PARD3B: variants seen among roughly 807,000 people sequenced by gnomAD.
PARD3B encodes the protein partitioning defective 3 homolog B.
Under a neutral mutation model 130.2 loss-of-function variants are expected in PARD3B, and 103 were observed. That is an observed-to-expected ratio of 0.79 (90% CI 0.67 to 0.93). The LOEUF (loss-of-function observed/expected upper bound fraction) is 0.93. Among genes scored for constraint, PARD3B ranks in the 40% least tolerant of loss-of-function variants. PARD3B has a pLI of 0.00. For synonymous variants in PARD3B, 583 were observed against 553.2 expected (o/e 1.05, Z -0.76); for missense variants, 1,609 against 1,499.2 (o/e 1.07, Z -1.21).
At chr2:205,299,489 GC>G (rs2041912760) in intron 16 of PARD3B, among the ~76,000 whole-genome samples, 1 of 93,620 alleles carries the variant, frequency 1.1e-5, no homozygotes, top group South Asian at 3.9e-4. Context: ...TGGTGGAAAA[GC>G]TTTGACTGTA....
chr2:204,881,255 A>G (rs2046033580), intron 2 of PARD3B, among the ~76,000 whole-genome samples: 1 of 152,112 alleles, frequency 6.6e-6, no homozygotes, highest in African/African-American at 2.4e-5. Flanking sequence ...ATGTGTGTGT[A>G]TCTATGTCTA....
intron 18 of PARD3B, among the ~76,000 whole-genome samples, chr2:205,303,546 C>T (rs369805330): frequency 2.0e-5 from 3 of 152,092 alleles, no homozygotes; most frequent in Non-Finnish European, 4.4e-5. Flanking sequence ...TCCTGATCTC[C>T]CACCCTCCAA....
chr2:205,139,424 G>A (rs1364602383), intron 10 of PARD3B, among the ~76,000 whole-genome samples: 3 of 152,102 alleles, frequency 2.0e-5, no homozygotes, highest in African/African-American at 7.2e-5. Flanking sequence ...AGAAAAATAT[G>A]ACTATGTCAA....
In PARD3B at chr2:205,183,731, TGTGTGTG is replaced by T. The variant is rs1374391761; in HGVS notation, c.1925-2032_1925-2026del. Among the ~76,000 whole-genome samples, 206 of 4,228 alleles carry T rather than the reference TGTGTGTG, an allele frequency of 0.049. No homozygotes were observed. The highest frequency in any genetic ancestry group is 0.086 in the Non-Finnish European group (167 of 1,948). 2.8% of individuals were successfully genotyped at this position (4,228 alleles called of 152,430 possible). ...GTTCTGCAGAGAAACAGAACCAAGT[TGTGTGTG>T]TGTGTGTGTGTGTGTGTGTGTGTGT... On this transcript the variant is annotated intron_variant, in intron 13 of 22. Transcript: ENST00000406610. This position sits in a 1 kb window ranked among gnomAD's most constrained non-coding sequence, Gnocchi z 5.2.
chr2:204,865,962 C>T (rs1435590686), intron 2 of PARD3B, among the ~76,000 whole-genome samples: 1 of 152,126 alleles, frequency 6.6e-6, no homozygotes, highest in African/African-American at 2.4e-5. Context: ...TACATGAAGA[C>T]CTTGCTTTCA....
At chr2:205,316,084 C>T (rs972364513) in intron 18 of PARD3B, among the ~76,000 whole-genome samples, 1 of 152,042 alleles carries the variant, frequency 6.6e-6, no homozygotes, top group Non-Finnish European at 1.5e-5. Context: ...ATATGGTGTG[C>T]TAATTGGAGT....
At chr2:204,873,482 C>A (rs147120518) in intron 2 of PARD3B, among the ~76,000 whole-genome samples, 2 of 152,086 alleles carry the variant, frequency 1.3e-5, no homozygotes, top group African/African-American at 4.8e-5. Flanking sequence ...CACCCATCCG[C>A]AGGACTTTCC....
intron 1 of PARD3B, among the ~76,000 whole-genome samples, chr2:204,685,633 C>G (rs2037038761): frequency 6.6e-6 from 1 of 152,206 alleles, no homozygotes; most frequent in African/African-American, 2.4e-5. Flanking sequence ...GAGGCTGGAG[C>G]TCCTGCTCTG....
intron 13 of PARD3B, among the ~76,000 whole-genome samples, chr2:205,179,509 G>A (rs997556723): frequency 6.6e-6 from 1 of 152,134 alleles, no homozygotes; most frequent in Non-Finnish European, 1.5e-5. Flanking sequence ...TTTCACTGTA[G>A]CTTTTCTGTT....
chr2:204,950,459 G>A (rs1245095565), intron 2 of PARD3B, among the ~76,000 whole-genome samples: 1 of 152,168 alleles, frequency 6.6e-6, no homozygotes, highest in Non-Finnish European at 1.5e-5. Flanking sequence ...AACCTTGAAG[G>A]ATTCTAAGAA....
At chr2:205,487,327 T>C (rs1257260171) in intron 20 of PARD3B, among the ~76,000 whole-genome samples, 1 of 152,176 alleles carries the variant, frequency 6.6e-6, no homozygotes, top group Non-Finnish European at 1.5e-5. Context: ...ATACCCTCCA[T>C]TGGGGAAGAA....
At chr2:204,595,010 T>G (rs1309862905) in intron 1 of PARD3B, among the ~76,000 whole-genome samples, 1 of 151,920 alleles carries the variant, frequency 6.6e-6, no homozygotes, top group Non-Finnish European at 1.5e-5. Flanking sequence ...GCATCATGGG[T>G]CTACTTTATA....
chr2:204,725,549 C>G (rs1237304996), intron 2 of PARD3B, among the ~76,000 whole-genome samples: 2 of 152,142 alleles, frequency 1.3e-5, no homozygotes, highest in African/African-American at 2.4e-5. Flanking sequence ...AGAAGAGCTT[C>G]TTTTCCATAA....
Position 205,202,736 on chromosome 2 carries a change from A to G in PARD3B, c.2140+9416A>G, listed in dbSNP as rs540530438. On this transcript the variant is annotated intron_variant, in intron 15 of 22. Coordinates refer to ENST00000406610, the MANE Select transcript of PARD3B (RefSeq NM_001302769.2). Reference sequence around the variant, plus strand: ...CATAAAAACACTTAACCTAATGCCTAGAACATCCCTAATGCCTAGGGATTT... The same window carrying G: ...CATAAAAACACTTAACCTAATGCCTGGAACATCCCTAATGCCTAGGGATTT... Among the ~76,000 whole-genome samples, 6 of 152,344 alleles carry G rather than the reference A, an allele frequency of 3.9e-5. 1 individual carries two copies. Among genetic ancestry groups the G allele is most frequent in the African/African-American group, 1.4e-4 (6 of 41,580 alleles).
At chr2:205,336,814 G>A (rs1356267854) in intron 18 of PARD3B, among the ~76,000 whole-genome samples, 1 of 152,122 alleles carries the variant, frequency 6.6e-6, no homozygotes, top group Non-Finnish European at 1.5e-5. Flanking sequence ...AAGAAAAATG[G>A]CCACTTTTAA....
intron 16 of PARD3B, among the ~76,000 whole-genome samples, chr2:205,279,533 C>A (rs187030124): frequency 2.6e-5 from 4 of 152,278 alleles, no homozygotes; most frequent in East Asian, 1.9e-4. Flanking sequence ...AAAGGGGAAG[C>A]TAAATGGATG....
At chr2:204,901,005 G>A (rs1370712376) in intron 2 of PARD3B, among the ~76,000 whole-genome samples, 1 of 143,290 alleles carries the variant, frequency 7.0e-6, no homozygotes, top group Non-Finnish European at 1.6e-5. Flanking sequence ...GCTTCCTGGA[G>A]CTGGGGGGAG....
chr2:204,742,126 A>G (rs949588556), intron 2 of PARD3B, among the ~76,000 whole-genome samples: 1 of 152,192 alleles, frequency 6.6e-6, no homozygotes, highest in African/African-American at 2.4e-5. Context: ...AAGGATTTGC[A>G]ATTGTTCTTA....
chr2:205,504,453 G>A (rs2050272481), intron 21 of PARD3B, among the ~76,000 whole-genome samples: 1 of 152,132 alleles, frequency 6.6e-6, no homozygotes. Context: ...AGAGTGAACA[G>A]GCAACCTACA....
Sources: allele counts gnomAD v4.1 joint callset (sites outside exome capture counted in the v4.1 genomes callset), GRCh38; gene constraint gnomAD v4.1.1; non-coding constraint Gnocchi (gnomAD v3.1); transcripts MANE v1.5; gene names NCBI Gene and HGNC (gene_info 2026-07-23, HGNC 2026-07-21).